Variants in KCNMB2 observed in about 807,000 individuals in gnomAD.
The protein encoded by KCNMB2 is potassium calcium-activated channel subfamily M regulatory beta subunit 2.
KCNMB2 carries 9 observed loss-of-function variants against 24.5 expected under a neutral mutation model. The ratio of observed to expected loss-of-function variants is 0.37; its 90% CI spans 0.22 to 0.64. The LOEUF (loss-of-function observed/expected upper bound fraction) is 0.64, where lower values mean the gene tolerates loss of function less well. Ranked by LOEUF, KCNMB2 falls within the 30% of genes least tolerant of loss-of-function variation. The probability of loss-of-function intolerance (pLI) is 0.63; values close to 1 mark genes in which losing one functional copy is unlikely to be tolerated. For synonymous variants in KCNMB2, 109 were observed against 104.4 expected (o/e 1.04, Z -0.27); for missense variants, 226 against 284.3 (o/e 0.79, Z 1.47).
chr3:178,842,768 G>C lies in KCNMB2; in HGVS notation c.539G>C (p.Gly180Ala). 1 of 1,613,876 alleles carries C rather than the reference G, an allele frequency of 6.2e-7. No individual in the cohort carries two copies. Among genetic ancestry groups the C allele is most frequent in the Non-Finnish European group, 8.5e-7 (1 of 1,179,786 alleles). Reference sequence around the variant, plus strand: ...TTCTCCTGCTATTCTGACCCAGAAGGAAACCAGAAGAGTGTTATCCTAACA... The same window carrying C: ...TTCTCCTGCTATTCTGACCCAGAAGCAAACCAGAAGAGTGTTATCCTAACA... ...QHFSCYSDPE[G>A]NQKSVILTKL... Residue 180 changes from glycine to alanine, a missense_variant, in exon 5 of 5, where the codon GGA becomes GCA. Transcript: ENST00000452583.
intron 1 of KCNMB2, among the ~76,000 whole-genome samples, chr3:178,615,197 T>C (rs1313567006): frequency 6.6e-6 from 1 of 152,192 alleles, no homozygotes; most frequent in African/African-American, 2.4e-5. Context: ...GGGCCAGCAC[T>C]ACAATGACTG....
Position 178,825,696 on chromosome 3 carries a change from G to T in KCNMB2, c.165G>T (p.Met55Ile), listed in dbSNP as rs1158189752. Residue 55 changes from methionine (M) to isoleucine (I), a missense_variant, in exon 3 of 5, where the codon ATG becomes ATT. Met to Ile is a conservative substitution (Grantham distance 10, BLOSUM62 1). Transcript: ENST00000452583. ...DRAILLGLAM[M>I]VCSIMMYFLL... ...CTATTCTCCTGGGACTGGCTATGAT[G>T]GTGTGCTCCATCATGATGTATTTTC... 5.6e-6 allele frequency: 9 copies of T among 1,613,766 alleles called. No individual in the cohort carries two copies. The highest frequency in any genetic ancestry group is 7.6e-6 in the Non-Finnish European group (9 of 1,179,876).
At chr3:178,776,665 T>A (rs1712592005) in intron 1 of KCNMB2, among the ~76,000 whole-genome samples, 1 of 152,178 alleles carries the variant, frequency 6.6e-6, no homozygotes, top group Admixed American at 6.5e-5. Context: ...CACTCACAAT[T>A]TCCTGTATGT....
At chr3:178,579,037 A>G (rs2108487336) in intron 1 of KCNMB2, among the ~76,000 whole-genome samples, 1 of 152,338 alleles carries the variant, frequency 6.6e-6, no homozygotes, top group Non-Finnish European at 1.5e-5. Context: ...ATAGACATCA[A>G]CAGAACTCTC....
Position 178,843,007 on chromosome 3 carries a change from C to T in KCNMB2, c.*70C>T. The T allele has an allele frequency of 7.4e-7, 1 of 1,352,756 alleles. No homozygotes were observed. The highest frequency in any genetic ancestry group is 1.9e-4 in the Middle Eastern group (1 of 5,202). The allele number at this position is 1,352,756 out of a possible 1,614,324, so 83.8% of individuals were successfully genotyped here. ...TTTTCTTTCATTCTTCACCAAAGAA[C>T]CTTAAGTTTGTAACGTGCAGTCTGT... is the stretch of plus-strand genomic sequence containing the variant. On this transcript the variant is annotated 3_prime_UTR_variant, in exon 5 of 5. Coordinates refer to ENST00000452583, the MANE Select transcript of KCNMB2 (RefSeq NM_181361.3).
chr3:178,582,811 G>A (rs1717265395), intron 1 of KCNMB2, among the ~76,000 whole-genome samples: 1 of 152,046 alleles, frequency 6.6e-6, no homozygotes, highest in Non-Finnish European at 1.5e-5. Flanking sequence ...CCATTTATAT[G>A]AAAAAATAAT....
chr3:178,759,333 A>C (rs188803677), intron 1 of KCNMB2, among the ~76,000 whole-genome samples: 2,791 of 57,960 alleles, frequency 0.048, 294 homozygotes, highest in African/African-American at 0.063. Flanking sequence ...ATATATATAT[A>C]TCTCCAAGAG....
In KCNMB2 at chr3:178,679,677, A is replaced by G. The variant is rs1245040599; in HGVS notation, c.-67-127666A>G. On this transcript the variant is annotated intron_variant, in intron 1 of 4. Transcript: ENST00000452583. ...GCACATTTCAAGGATCTTTGGAAACAAAGAGAAGTTACACCCAAGTTCATG... is the reference window on the plus strand; with the variant it reads ...GCACATTTCAAGGATCTTTGGAAACGAAGAGAAGTTACACCCAAGTTCATG... Among the ~76,000 whole-genome samples the G allele has an allele frequency of 2.0e-5, 3 of 152,130 alleles. No homozygotes were observed. In the East Asian group the frequency reaches 5.8e-4, roughly 29 times the overall value.
At chr3:178,540,311 C>T (rs1331157694) in intron 1 of KCNMB2, among the ~76,000 whole-genome samples, 2 of 152,198 alleles carry the variant, frequency 1.3e-5, no homozygotes, top group African/African-American at 4.8e-5. Flanking sequence ...TCACTACCAA[C>T]TCTCACATTA....
chr3:178,815,418 C>G (rs1025467087), intron 2 of KCNMB2, among the ~76,000 whole-genome samples: 4 of 152,162 alleles, frequency 2.6e-5, no homozygotes, highest in African/African-American at 9.6e-5. Flanking sequence ...GCCACCTCAC[C>G]CAGCCTAAAT....
intron 1 of KCNMB2, among the ~76,000 whole-genome samples, chr3:178,713,670 A>G (rs1320051579): frequency 6.6e-6 from 1 of 152,064 alleles, no homozygotes; most frequent in Non-Finnish European, 1.5e-5. Flanking sequence ...CACAGAAGGT[A>G]TGGTCTCTGC....
At chr3:178,668,383 T>C (rs4494906) in intron 1 of KCNMB2, among the ~76,000 whole-genome samples, 104,917 of 151,940 alleles carry the variant, frequency 0.69, 36,296 homozygotes, top group Middle Eastern at 0.8. Flanking sequence ...AAGAGATAAA[T>C]TTGGGTGGAG....
chr3:178,668,155 C>T (rs1270133427), intron 1 of KCNMB2, among the ~76,000 whole-genome samples: 1 of 152,124 alleles, frequency 6.6e-6, no homozygotes, highest in Admixed American at 6.6e-5. Flanking sequence ...TGAGCCACTG[C>T]TCTGCGGCAA....
chr3:178,842,933 G>A lies in KCNMB2; in HGVS notation c.704G>A (p.Arg235Lys), dbSNP rs760825316. The part of the protein sequence containing the change: ...LLCERIQRIN[R>K] The stretch of plus-strand genomic sequence containing the variant: ...TGTGAGAGGATCCAACGGATCAATA[G>A]ATAAATGCAAAAATGGATAAAATAA... The change falls in exon 5 of 5, where the codon AGA becomes AAA. Residue 235 changes from arginine (R) to lysine (K), a missense_variant. Coordinates refer to ENST00000452583, the MANE Select transcript of KCNMB2 (RefSeq NM_181361.3). The A allele has an allele frequency of 2.1e-4, 336 of 1,594,920 alleles. No homozygotes were observed. The highest frequency in any genetic ancestry group is 2.8e-4 in the Non-Finnish European group (326 of 1,170,620).
intron 1 of KCNMB2, among the ~76,000 whole-genome samples, chr3:178,718,322 C>T (rs1423238223): frequency 2.6e-5 from 4 of 152,186 alleles, no homozygotes; most frequent in Non-Finnish European, 5.9e-5. Flanking sequence ...CAGGTAAAAA[C>T]CCAACCAAAC....
intron 1 of KCNMB2, among the ~76,000 whole-genome samples, chr3:178,630,689 T>A (rs997982752): frequency 2.0e-5 from 3 of 152,206 alleles, no homozygotes; most frequent in African/African-American, 7.2e-5. Context: ...CATTCCCTCC[T>A]CCCTTCTCCT....
intron 1 of KCNMB2, among the ~76,000 whole-genome samples, chr3:178,544,559 T>C (rs1455391209): frequency 3.9e-5 from 6 of 152,110 alleles, no homozygotes; most frequent in South Asian, 2.1e-4. Flanking sequence ...GCTGACTTCT[T>C]AGGAAAGAAA....
At chr3:178,588,015 C>A (rs1042552318) in intron 1 of KCNMB2, among the ~76,000 whole-genome samples, 1 of 151,498 alleles carries the variant, frequency 6.6e-6, no homozygotes. Flanking sequence ...TTGCGACAGT[C>A]TGCTAAGAAT....
intron 1 of KCNMB2, among the ~76,000 whole-genome samples, chr3:178,665,764 C>T (rs1227438221): frequency 6.6e-6 from 1 of 152,118 alleles, no homozygotes; most frequent in Non-Finnish European, 1.5e-5. Flanking sequence ...GTTTATCTTC[C>T]AGAATGAGAT....
Sources: allele counts gnomAD v4.1 joint callset (sites outside exome capture counted in the v4.1 genomes callset), GRCh38; gene constraint gnomAD v4.1.1; transcripts MANE v1.5; gene names NCBI Gene and HGNC (gene_info 2026-07-23, HGNC 2026-07-21).